The following DIPK1A variants were observed in gnomAD, a reference collection of about 807,000 sequenced individuals.
The protein encoded by DIPK1A is family with sequence similarity 69 member A.
In DIPK1A, 27 loss-of-function variants were observed where a neutral mutation model predicts 40.8. The ratio of observed to expected loss-of-function variants is 0.66; its 90% CI spans 0.49 to 0.91. The LOEUF is 0.91. DIPK1A is among the 40% of genes least tolerant of loss of function. DIPK1A has a pLI of 0.00. For missense variants in DIPK1A, 412 were observed against 505.7 expected, an observed-to-expected ratio of 0.81 and a Z score of 1.78; for synonymous variants, 166 against 171.3, an observed-to-expected ratio of 0.97 and a Z score of 0.24.
intron 1 of DIPK1A, among the ~76,000 whole-genome samples, chr1:92,914,272 G>C (rs1157083034): frequency 6.6e-6 from 1 of 151,658 alleles, no homozygotes; most frequent in Admixed American, 6.6e-5. Context: ...TAACAGTGGG[G>C]AAAAAAACCC....
At chr1:92,855,281 A>G (rs1486788250) in intron 2 of DIPK1A, among the ~76,000 whole-genome samples, 3 of 152,220 alleles carry the variant, frequency 2.0e-5, no homozygotes, top group South Asian at 2.1e-4. Context: ...CAGTTCTTAC[A>G]GTGAAAATTA....
chr1:92,957,523 G>A (rs960256205), intron 1 of DIPK1A, among the ~76,000 whole-genome samples: 8 of 152,214 alleles, frequency 5.3e-5, no homozygotes, highest in African/African-American at 1.2e-4. Flanking sequence ...TCAGGTAAAC[G>A]TCTGTTGGCC....
chr1:92,840,080 G>T (rs550857163), downstream of DIPK1A, among the ~76,000 whole-genome samples: 25 of 151,392 alleles, frequency 1.7e-4, no homozygotes, highest in African/African-American at 6.1e-4. Flanking sequence ...GGTCCAGTGA[G>T]CTGTGATTGT....
At chr1:92,917,407 A>T (rs1194218127) in intron 1 of DIPK1A, among the ~76,000 whole-genome samples, 2 of 152,180 alleles carry the variant, frequency 1.3e-5, no homozygotes, top group East Asian at 3.8e-4. Context: ...GAGTATGTAC[A>T]CATATAGATA....
At chr1:92,846,815 A>ATATGTGTG (rs1553123763) in intron 4 of DIPK1A, among the ~76,000 whole-genome samples, 729 of 4,574 alleles carry the variant, frequency 0.16, 175 homozygotes, top group East Asian at 0.56. Flanking sequence ...ATATATATAT[A>ATATGTGTG]TATATATATA....
intron 1 of DIPK1A, among the ~76,000 whole-genome samples, chr1:92,950,162 A>G (rs2100909014): frequency 6.6e-6 from 1 of 152,316 alleles, no homozygotes; most frequent in African/African-American, 2.4e-5. Context: ...GACTTAAAGG[A>G]CAAGTAAAAA....
intron 1 of DIPK1A, among the ~76,000 whole-genome samples, chr1:92,954,238 A>G (rs1449796353): frequency 6.6e-6 from 1 of 151,934 alleles, no homozygotes; most frequent in Non-Finnish European, 1.5e-5. Flanking sequence ...CAAGGTGGGA[A>G]GGTGCACTTG....
At chr1:92,881,692 T>C (rs975641725) in intron 1 of DIPK1A, among the ~76,000 whole-genome samples, 2 of 152,108 alleles carry the variant, frequency 1.3e-5, no homozygotes, top group Non-Finnish European at 2.9e-5. Flanking sequence ...ATATATTAAG[T>C]GAAAAAAAAT....
intron 4 of DIPK1A, chr1:92,833,887 C>T: frequency 1.9e-6 from 1 of 536,294 alleles, no homozygotes; most frequent in Non-Finnish European, 3.3e-6. Context: ...GGGAAGATTG[C>T]TTGAGCCCAG....
chr1:92,942,452 T>C lies in DIPK1A; in HGVS notation c.54+18924A>G, dbSNP rs111816497. Among the ~76,000 whole-genome samples, 1,176 of 152,338 alleles carry C rather than the reference T, an allele frequency of 7.7e-3. 11 individuals are homozygous for C. Among genetic ancestry groups the C allele is most frequent in the African/African-American group, 0.027 (1,118 of 41,572 alleles). ...GTAAAGTGGAAAGGATATTGTTTACTTAAAACCCATTGAACTCAACCACAA... is the reference window on the plus strand; with the variant it reads ...GTAAAGTGGAAAGGATATTGTTTACCTAAAACCCATTGAACTCAACCACAA... On this transcript the variant is annotated intron_variant, in intron 1 of 4. Transcript: ENST00000370310.
chr1:92,892,950 G>GA (rs1648967979), intron 1 of DIPK1A, among the ~76,000 whole-genome samples: 1 of 151,960 alleles, frequency 6.6e-6, no homozygotes, highest in South Asian at 2.1e-4. Context: ...GACGTTTAGA[G>GA]AAAAAAGAAT....
intron 1 of DIPK1A, among the ~76,000 whole-genome samples, chr1:92,896,739 T>G (rs1404749167): frequency 6.6e-6 from 1 of 151,956 alleles, no homozygotes. Flanking sequence ...GGGAGAAAAT[T>G]TTTGCAATCT....
At chr1:92,840,889 G>T (rs983188370), downstream of DIPK1A, 6 of 593,014 alleles carry the variant, frequency 1.0e-5, no homozygotes, top group Admixed American at 1.0e-4. Flanking sequence ...TGGCTGACAA[G>T]TTGCTTTTTG....
chr1:92,935,138 G>A (rs1270050033), intron 1 of DIPK1A, among the ~76,000 whole-genome samples: 6 of 152,190 alleles, frequency 3.9e-5, no homozygotes, highest in Non-Finnish European at 8.8e-5. Flanking sequence ...CATACAGCTA[G>A]TTGGTGACAG....
intron 1 of DIPK1A, among the ~76,000 whole-genome samples, chr1:92,892,890 G>A (rs1648963671): frequency 6.6e-6 from 1 of 152,108 alleles, no homozygotes; most frequent in East Asian, 1.9e-4. Context: ...TCAACTGGAA[G>A]AAAGGGTATC....
At chr1:92,900,182 A>G (rs1649348702) in intron 1 of DIPK1A, among the ~76,000 whole-genome samples, 1 of 152,096 alleles carries the variant, frequency 6.6e-6, no homozygotes, top group Non-Finnish European at 1.5e-5. Context: ...TTCAGCTATT[A>G]TTTCATCAAG....
At chr1:92,869,606 T>C (rs1024962303) in intron 2 of DIPK1A, among the ~76,000 whole-genome samples, 3 of 152,202 alleles carry the variant, frequency 2.0e-5, no homozygotes, top group African/African-American at 7.2e-5. Flanking sequence ...TGTCTCTTTA[T>C]AATCTTCTTT....
chr1:92,896,268 C>T (rs1217453792), intron 1 of DIPK1A, among the ~76,000 whole-genome samples: 6 of 152,174 alleles, frequency 3.9e-5, no homozygotes, highest in Non-Finnish European at 8.8e-5. Context: ...TACAAGGCTA[C>T]AGTAACCAAA....
At chr1:92,958,541 A>C (rs1014828381) in intron 1 of DIPK1A, among the ~76,000 whole-genome samples, 1 of 151,808 alleles carries the variant, frequency 6.6e-6, no homozygotes, top group Non-Finnish European at 1.5e-5. Context: ...CTGTACTCTT[A>C]CCCTTCCCCT....
Sources: allele counts gnomAD v4.1 joint callset (sites outside exome capture counted in the v4.1 genomes callset), GRCh38; gene constraint gnomAD v4.1.1; transcripts MANE v1.5; gene names NCBI Gene and HGNC (gene_info 2026-07-23, HGNC 2026-07-21).